TFDP1: variants seen among roughly 807,000 people sequenced by gnomAD.
TFDP1 encodes the protein DRTF1-polypeptide 1.
Under a neutral mutation model 48.0 loss-of-function variants are expected in TFDP1, and 6 were observed. That is an observed-to-expected ratio of 0.13 (90% CI 0.07 to 0.25). The LOEUF is 0.25. TFDP1 is among the 10% of genes least tolerant of loss of function. The pLI, the probability that TFDP1 is intolerant of heterozygous loss-of-function variation, is 1.00. For missense variants in TFDP1, 335 were observed against 543.0 expected, an observed-to-expected ratio of 0.62 and a Z score of 3.81; for synonymous variants, 201 against 211.6, an observed-to-expected ratio of 0.95 and a Z score of 0.44.
chr13:113,612,964 C>T (rs1180314486), intron 3 of TFDP1, among the ~76,000 whole-genome samples: 11 of 152,206 alleles, frequency 7.2e-5, no homozygotes, highest in Admixed American at 6.5e-4. Context: ...GCAGCAGCTC[C>T]TGGACCTCCC....
At chr13:113,610,572 C>T (rs544857625) in intron 2 of TFDP1, among the ~76,000 whole-genome samples, 8 of 149,894 alleles carry the variant, frequency 5.3e-5, no homozygotes, top group South Asian at 4.3e-4. Flanking sequence ...CATGTGCCCC[C>T]GCTGTGTGGC....
At chr13:113,619,882 C>G (rs183398306) in intron 3 of TFDP1, among the ~76,000 whole-genome samples, 1 of 152,070 alleles carries the variant, frequency 6.6e-6, no homozygotes. Flanking sequence ...CCTTGGGCTC[C>G]GAAACCCTTT....
chr13:113,610,382 C>T (rs989278118), intron 2 of TFDP1, among the ~76,000 whole-genome samples: 20 of 151,976 alleles, frequency 1.3e-4, no homozygotes, highest in African/African-American at 4.6e-4. Flanking sequence ...CGTGTGACCC[C>T]GCTGTGTGGT....
Position 113,636,443 on chromosome 13 carries a change from C to T in TFDP1, c.840-91C>T, listed in dbSNP as rs775542424. ...CTGGGAACCGGGAAGCTGTGTGTGGCGGTCAGCGGGTCAGCCGTCCTGGCT... is the reference window on the plus strand; with the variant it reads ...CTGGGAACCGGGAAGCTGTGTGTGGTGGTCAGCGGGTCAGCCGTCCTGGCT... On this transcript the variant is annotated intron_variant, in intron 9 of 11. Transcript: ENST00000375370. The T allele has an allele frequency of 2.7e-5, 38 of 1,409,656 alleles. No individual in the cohort carries two copies. The Admixed American group carries it at 3.7e-4, about 14-fold the overall frequency. 87.3% of individuals were successfully genotyped at this position (1,409,656 alleles called of 1,614,324 possible). A position where few individuals can be genotyped will look rare whatever the true frequency, so the allele number is the denominator to read the frequency against.
chr13:113,587,738 A>C (rs1280524428), intron 2 of TFDP1, among the ~76,000 whole-genome samples: 1 of 151,940 alleles, frequency 6.6e-6, no homozygotes, highest in Admixed American at 6.6e-5. Flanking sequence ...CACCCGCCTT[A>C]CAGGCGTGAG....
At position 113,636,141 on chromosome 13, in the gene TFDP1, C is replaced by T. The variant is rs571642647; in HGVS notation, c.839+13C>T. On this transcript the variant is annotated intron_variant, in intron 9 of 11. Coordinates refer to ENST00000375370, the MANE Select transcript of TFDP1 (RefSeq NM_007111.5). ...TCTCCAATGACAAGTAGGTTGTGGG[C>T]GGGGAGCTGTTCCCTGGTCACCCAT... is the stretch of plus-strand genomic sequence containing the variant. 5.8e-5 allele frequency: 93 copies of T among 1,613,540 alleles called. No homozygotes were observed. Among genetic ancestry groups the T allele is most frequent in the South Asian group, 3.2e-4 (29 of 90,988 alleles).
intron 7 of TFDP1, 114 bp downstream of exon 7, chr13:113,634,147 G>A: frequency 6.9e-7 from 1 of 1,455,310 alleles, no homozygotes; most frequent in Non-Finnish European, 9.6e-7. Flanking sequence ...TCTGTGTCCG[G>A]CTGGCAGACG....
intron 2 of TFDP1, among the ~76,000 whole-genome samples, chr13:113,608,483 A>C (rs1288159822): frequency 6.6e-6 from 1 of 152,172 alleles, no homozygotes; most frequent in African/African-American, 2.4e-5. Flanking sequence ...TCAGACCCCC[A>C]GCAGGGCTTC....
At chr13:113,611,754 C>T (rs1238155978) in intron 3 of TFDP1, among the ~76,000 whole-genome samples, 1 of 152,190 alleles carries the variant, frequency 6.6e-6, no homozygotes, top group Non-Finnish European at 1.5e-5. Context: ...TGCTTGGCCC[C>T]TCGTGAGAGG....
chr13:113,613,687 G>GTC (rs1555353834), intron 3 of TFDP1, among the ~76,000 whole-genome samples: 4 of 146,782 alleles, frequency 2.7e-5, no homozygotes, highest in African/African-American at 1.0e-4. Flanking sequence ...GCATGAGTGT[G>GTC]TGTGTGTATG....
At position 113,633,501 on chromosome 13, in the gene TFDP1, G is replaced by A. The variant is rs560768532; in HGVS notation, c.474+216G>A. 1.4e-3 allele frequency among the ~76,000 whole-genome samples: 217 copies of A among 152,198 alleles called. 1 individual carries two copies. The highest frequency in any genetic ancestry group is 5.0e-3 in the African/African-American group (209 of 41,512). Reference sequence around the variant, plus strand: ...TGGTACGTTTCGCTCTTTTAATATCGGGAACAGTTAAAACCATACAGAAAA... The same window carrying A: ...TGGTACGTTTCGCTCTTTTAATATCAGGAACAGTTAAAACCATACAGAAAA... On this transcript the variant is annotated intron_variant, in intron 6 of 11. Coordinates refer to ENST00000375370, the MANE Select transcript of TFDP1 (RefSeq NM_007111.5). This position sits in a 1 kb window ranked among gnomAD's most constrained non-coding sequence, Gnocchi z 4.5.
At chr13:113,637,288 A>G (rs906571734) in intron 10 of TFDP1, 5 of 267,766 alleles carry the variant, frequency 1.9e-5, no homozygotes, top group Non-Finnish European at 3.6e-5. Context: ...TTCTCTTGTT[A>G]GCCTAAACTT....
intron 2 of TFDP1, among the ~76,000 whole-genome samples, chr13:113,609,895 G>A (rs952385038): frequency 3.3e-5 from 5 of 152,346 alleles, no homozygotes; most frequent in African/African-American, 1.2e-4. Flanking sequence ...TGCCACGCCT[G>A]TGCTGCCAGC....
At chr13:113,591,807 G>A (rs2048153302) in intron 2 of TFDP1, among the ~76,000 whole-genome samples, 1 of 152,182 alleles carries the variant, frequency 6.6e-6, no homozygotes, top group Admixed American at 6.5e-5. Context: ...GAGGGGAAGG[G>A]CAGATGTCAG....
At chr13:113,615,601 C>T (rs926845222) in intron 3 of TFDP1, among the ~76,000 whole-genome samples, 5 of 152,176 alleles carry the variant, frequency 3.3e-5, no homozygotes, top group Non-Finnish European at 5.9e-5. Context: ...GAGAATCTGC[C>T]CACACTGTTC....
Position 113,633,074 on chromosome 13 carries a change from C to T in TFDP1, c.309-46C>T. On this transcript the variant is annotated intron_variant, in intron 5 of 11. Coordinates refer to ENST00000375370, the MANE Select transcript of TFDP1 (RefSeq NM_007111.5). This position sits in a 1 kb window ranked among gnomAD's most constrained non-coding sequence, Gnocchi z 4.5. ...AAGCATTCCTCGATTCAGGCTGATC[C>T]TCAGGAGGGCTGACAGTCGCTTCTC... 1 of 1,611,224 alleles carries T rather than the reference C, an allele frequency of 6.2e-7. No individual in the cohort carries two copies. The highest frequency in any genetic ancestry group is 8.5e-7 in the Non-Finnish European group (1 of 1,178,790).
At chr13:113,612,321 C>A (rs1487741998) in intron 3 of TFDP1, among the ~76,000 whole-genome samples, 1 of 152,236 alleles carries the variant, frequency 6.6e-6, no homozygotes, top group African/African-American at 2.4e-5. Context: ...GCCTCCCCAG[C>A]CTCCTGCTGT....
At chr13:113,593,899 G>A (rs1451106580) in intron 2 of TFDP1, among the ~76,000 whole-genome samples, 1 of 148,632 alleles carries the variant, frequency 6.7e-6, no homozygotes, top group Non-Finnish European at 1.5e-5. Context: ...CAGGTGACAG[G>A]TGTGGTGTGT....
chr13:113,633,070 G>T lies in TFDP1; in HGVS notation c.309-50G>T. On this transcript the variant is annotated intron_variant, in intron 5 of 11. Transcript: ENST00000375370. This position sits in a 1 kb window ranked among gnomAD's most constrained non-coding sequence, Gnocchi z 4.5. ...GTAAAAGCATTCCTCGATTCAGGCT[G>T]ATCCTCAGGAGGGCTGACAGTCGCT... 1.2e-6 allele frequency: 2 copies of T among 1,609,958 alleles called. No individual in the cohort carries two copies. Among genetic ancestry groups the T allele is most frequent in the East Asian group, 2.2e-5 (1 of 44,846 alleles).
Sources: allele counts gnomAD v4.1 joint callset (sites outside exome capture counted in the v4.1 genomes callset), GRCh38; gene constraint gnomAD v4.1.1; non-coding constraint Gnocchi (gnomAD v3.1); transcripts MANE v1.5; gene names NCBI Gene and HGNC (gene_info 2026-07-23, HGNC 2026-07-21).